ADAMTS2: variants seen among roughly 807,000 people sequenced by gnomAD.
The protein encoded by ADAMTS2 is ADAM metallopeptidase with thrombospondin type 1 motif 2.
Under a neutral mutation model 123.0 loss-of-function variants are expected in ADAMTS2, and 50 were observed. That is an observed-to-expected ratio of 0.41 (90% CI 0.32 to 0.51). The LOEUF (loss-of-function observed/expected upper bound fraction) is 0.51. Among genes scored for constraint, ADAMTS2 ranks in the 20% least tolerant of loss-of-function variants. The probability of loss-of-function intolerance (pLI) is 0.35; values close to 1 mark genes in which losing one functional copy is unlikely to be tolerated. For missense variants in ADAMTS2, 1,494 were observed against 1,705.2 expected, an observed-to-expected ratio of 0.88 and a Z score of 2.18; for synonymous variants, 678 against 695.4, an observed-to-expected ratio of 0.98 and a Z score of 0.39.
chr5:179,315,207 G>A (rs374504285), intron 2 of ADAMTS2, among the ~76,000 whole-genome samples: 12 of 55,892 alleles, frequency 2.1e-4, no homozygotes, highest in South Asian at 1.3e-3. Flanking sequence ...CAAGACACGC[G>A]TCCACGTCGC....
intron 10 of ADAMTS2, among the ~76,000 whole-genome samples, chr5:179,144,922 G>A (rs1322304535): frequency 6.6e-6 from 1 of 152,182 alleles, no homozygotes; most frequent in Non-Finnish European, 1.5e-5. Context: ...CCTCAATGAT[G>A]CCATCACGAA....
At chr5:179,268,559 A>G (rs1766435044) in intron 3 of ADAMTS2, among the ~76,000 whole-genome samples, 1 of 152,218 alleles carries the variant, frequency 6.6e-6, no homozygotes, top group South Asian at 2.1e-4. Flanking sequence ...AAGCTAAGAC[A>G]GGCCCTCAGT....
At chr5:179,127,829 C>T in intron 17 of ADAMTS2, 130 bp downstream of exon 17, 1 of 1,296,360 alleles carries the variant, frequency 7.7e-7, no homozygotes, top group South Asian at 1.2e-5. Context: ...TAAGCCCTTG[C>T]CCACCCAGGC....
chr5:179,206,039 G>A lies in ADAMTS2; in HGVS notation c.891+1474C>T, dbSNP rs560114497. 4.6e-5 allele frequency among the ~76,000 whole-genome samples: 7 copies of A among 152,268 alleles called. No homozygotes were observed. The East Asian group carries it at 1.2e-3, about 25-fold the overall frequency. On this transcript the variant is annotated intron_variant, in intron 4 of 21. Transcript: ENST00000251582. ...CTCCCAAAGTGCTGGGATTACAGGC[G>A]TGAGCCACCGCACCCGGCCGTTATT...
rs1411525097 is a variant in ADAMTS2, at chr5:179,132,345, A to G, written c.2210-35T>C. On this transcript the variant is annotated intron_variant, in intron 14 of 21. Transcript: ENST00000251582. The surrounding 1 kb of genome is among the most constrained non-coding windows in gnomAD (Gnocchi z 6.1). ...ATGTGGAAAGACACAGAAAACTGAG[A>G]AGGGAAGGCGCCGCTCAAATTCGCA... 1.9e-6 allele frequency: 3 copies of G among 1,602,572 alleles called. No individual in the cohort carries two copies. Among genetic ancestry groups the G allele is most frequent in the Non-Finnish European group, 2.6e-6 (3 of 1,170,324 alleles).
At chr5:179,329,923 G>A (rs969324225) in intron 2 of ADAMTS2, among the ~76,000 whole-genome samples, 13 of 151,812 alleles carry the variant, frequency 8.6e-5, no homozygotes, top group Non-Finnish European at 1.3e-4. Flanking sequence ...TCAGGAGATC[G>A]AGACCATCCT....
chr5:179,138,068 G>A, intron 11 of ADAMTS2, 124 bp from the exon 12 acceptor site: 1 of 1,108,298 alleles, frequency 9.0e-7, no homozygotes, highest in Admixed American at 2.0e-5. Flanking sequence ...CAGCTCTGCT[G>A]AGCAAAGGGA....
chr5:179,129,368 T>C lies in ADAMTS2; in HGVS notation c.2457+564A>G, dbSNP rs1307386144. On this transcript the variant is annotated intron_variant, in intron 16 of 21. Coordinates refer to ENST00000251582, the MANE Select transcript of ADAMTS2 (RefSeq NM_014244.5). This position sits in a 1 kb window ranked among gnomAD's most constrained non-coding sequence, Gnocchi z 4.1. ...GGGGCTCCAGAGCATGGGAGCCTTA[T>C]TTGTGATATGTACCTTTTTTGACAA... 6.6e-6 allele frequency among the ~76,000 whole-genome samples: 1 copy of C among 152,228 alleles called. No individual in the cohort carries two copies. The highest frequency in any genetic ancestry group is 1.5e-5 in the Non-Finnish European group (1 of 68,038).
At chr5:179,341,159 G>C (rs754012474) in intron 2 of ADAMTS2, among the ~76,000 whole-genome samples, 7 of 152,168 alleles carry the variant, frequency 4.6e-5, no homozygotes, top group Non-Finnish European at 7.3e-5. Context: ...TAGCAAAGAA[G>C]CCTATCGTGG....
intron 3 of ADAMTS2, among the ~76,000 whole-genome samples, chr5:179,209,355 A>G (rs1299797437): frequency 2.0e-5 from 3 of 152,204 alleles, no homozygotes; most frequent in Non-Finnish European, 4.4e-5. Context: ...GGCTGTGGGC[A>G]AGACCAAGAC....
chr5:179,163,606 C>CTCCA (rs1196534841), intron 5 of ADAMTS2, among the ~76,000 whole-genome samples: 4 of 152,196 alleles, frequency 2.6e-5, no homozygotes, highest in African/African-American at 4.8e-5. Flanking sequence ...CCCTTCTCCA[C>CTCCA]GTCCTGCAGA....
chr5:179,178,059 G>C (rs1179330842), intron 5 of ADAMTS2, among the ~76,000 whole-genome samples: 3 of 152,168 alleles, frequency 2.0e-5, no homozygotes, highest in African/African-American at 7.2e-5. Context: ...TCTAGCCCCA[G>C]GACCAGGAGT....
chr5:179,229,824 C>A (rs528871217), intron 3 of ADAMTS2, among the ~76,000 whole-genome samples: 1 of 152,280 alleles, frequency 6.6e-6, no homozygotes, highest in African/African-American at 2.4e-5. Context: ...CGTAATTAGG[C>A]GTGAAATGGC....
Position 179,146,481 on chromosome 5 carries a change from C to T in ADAMTS2, c.1629+5661G>A, listed in dbSNP as rs145432640. Among the ~76,000 whole-genome samples, 26 of 152,268 alleles carry T rather than the reference C, an allele frequency of 1.7e-4. No homozygotes were observed. The East Asian group carries it at 3.5e-3, about 20-fold the overall frequency. The stretch of plus-strand genomic sequence containing the variant: ...ATGAGCAACGCTCAGTAGCAGTTGC[C>T]GTGGACGCCCTGACTGCAGTGGCAG... On this transcript the variant is annotated intron_variant, in intron 10 of 21. Transcript: ENST00000251582.
At chr5:179,143,429 GAAAA>G (rs546474818) in intron 10 of ADAMTS2, among the ~76,000 whole-genome samples, 3 of 77,222 alleles carry the variant, frequency 3.9e-5, no homozygotes, top group Non-Finnish European at 2.7e-5. Flanking sequence ...ACTCTGTCTC[GAAAA>G]AAAAAAAAAA....
At chr5:179,211,598 T>C (rs184496350) in intron 3 of ADAMTS2, among the ~76,000 whole-genome samples, 2 of 152,340 alleles carry the variant, frequency 1.3e-5, no homozygotes, top group African/African-American at 4.8e-5. Context: ...CATCCTGTTT[T>C]AGAGTCTCTA....
At position 179,306,598 on chromosome 5, in the gene ADAMTS2, A is replaced by ACACCCAG. The variant is rs537593679; in HGVS notation, c.535-33541_535-33535dup. 8.1e-4 allele frequency among the ~76,000 whole-genome samples: 123 copies of ACACCCAG among 152,250 alleles called. 1 individual carries two copies. Among genetic ancestry groups the ACACCCAG allele is most frequent in the Admixed American group, 1.6e-3 (25 of 15,304 alleles). ...TGAGTCCTAGACAGCACCTCTGTAC[A>ACACCCAG]CACCCAGCACCCAGCACAGACCCTC... On this transcript the variant is annotated intron_variant, in intron 2 of 21. Transcript: ENST00000251582.
chr5:179,171,534 G>A (rs556246353), intron 5 of ADAMTS2, among the ~76,000 whole-genome samples: 7 of 152,334 alleles, frequency 4.6e-5, no homozygotes, highest in African/African-American at 1.7e-4. Flanking sequence ...CCCCAGAGAA[G>A]GGCACAGCAG....
At chr5:179,167,418 T>C (rs1763725248) in intron 5 of ADAMTS2, among the ~76,000 whole-genome samples, 1 of 152,176 alleles carries the variant, frequency 6.6e-6, no homozygotes, top group African/African-American at 2.4e-5. Context: ...ACATCAATTA[T>C]GACCTGAGCA....
Sources: gnomAD v4.1 joint callset for allele counts (sites outside exome capture counted in the v4.1 genomes callset) on GRCh38, gnomAD v4.1.1 for gene constraint, Gnocchi (gnomAD v3.1) non-coding constraint, MANE v1.5 for transcripts, NCBI Gene and HGNC (gene_info 2026-07-23, HGNC 2026-07-21) for gene names.